TCF4: variants seen among roughly 807,000 people sequenced by gnomAD.
TCF4 encodes the protein transcription factor 4.
In TCF4, 3 loss-of-function variants were observed where a neutral mutation model predicts 82.1. The observed-to-expected ratio is 0.04, with a 90% CI of 0.02 to 0.09. The LOEUF is 0.09. Ranked by LOEUF, TCF4 falls within the 10% of genes least tolerant of loss-of-function variation. The pLI is 1.00. For missense variants in TCF4, 518 were observed against 852.7 expected (o/e 0.61, Z 4.89); for synonymous variants, 276 against 309.6 (o/e 0.89, Z 1.14).
chr18:55,444,191 G>T (rs532063110), intron 5 of TCF4, among the ~76,000 whole-genome samples: 1 of 152,202 alleles, frequency 6.6e-6, no homozygotes, highest in Non-Finnish European at 1.5e-5. Flanking sequence ...AGATGTGGAA[G>T]CCCTGGATGT....
intron 5 of TCF4, among the ~76,000 whole-genome samples, chr18:55,450,578 G>GT (rs1379441712): frequency 6.6e-6 from 1 of 152,168 alleles, no homozygotes; most frequent in Admixed American, 6.5e-5. Context: ...ACTCTTAAGA[G>GT]TAAGGGGAAT....
intron 3 of TCF4, among the ~76,000 whole-genome samples, chr18:55,506,900 T>C (rs2146191971): frequency 6.6e-6 from 1 of 151,550 alleles, no homozygotes; most frequent in South Asian, 2.1e-4. Context: ...GCTTGCTCTG[T>C]CACTGAGGCT....
intron 6 of TCF4, among the ~76,000 whole-genome samples, chr18:55,399,853 ATCTC>A (rs35948563): frequency 0.028 from 2,361 of 83,500 alleles, 51 homozygotes; most frequent in Middle Eastern, 0.072. Context: ...CTCTCTCCCC[ATCTC>A]TCTCTCTCTC....
At chr18:55,343,974 T>TA (rs1445224212) in intron 8 of TCF4, among the ~76,000 whole-genome samples, 1 of 152,268 alleles carries the variant, frequency 6.6e-6, no homozygotes, top group East Asian at 1.9e-4. Flanking sequence ...TGCAGTTATG[T>TA]AAAAAATCAA....
At chr18:55,380,549 G>T (rs1435095228) in intron 6 of TCF4, among the ~76,000 whole-genome samples, 1 of 152,032 alleles carries the variant, frequency 6.6e-6, no homozygotes, top group Non-Finnish European at 1.5e-5. Context: ...ATCCCACTGG[G>T]GATTAAGGTT....
At chr18:55,290,936 G>A (rs1357220132) in intron 8 of TCF4, among the ~76,000 whole-genome samples, 6 of 152,062 alleles carry the variant, frequency 3.9e-5, no homozygotes, top group South Asian at 4.2e-4. Flanking sequence ...ACTTAATTAC[G>A]TAAAGCAAAT....
At chr18:55,285,686 GTA>G (rs1262900028) in intron 8 of TCF4, among the ~76,000 whole-genome samples, 21 of 152,210 alleles carry the variant, frequency 1.4e-4, no homozygotes, top group African/African-American at 5.1e-4. Context: ...GAGTCCCAGT[GTA>G]GAGTCATGTT....
In TCF4 at chr18:55,322,392, G is replaced by T. The variant is rs1383828838; in HGVS notation, c.549+27967C>A. The T allele has an allele frequency of 7.8e-6, 6 of 765,020 alleles. No homozygotes were observed. The South Asian group carries it at 3.2e-4, about 40-fold the overall frequency. The allele number at this position is 765,020 out of a possible 1,614,324, so 47.4% of individuals were successfully genotyped here. A position where few individuals can be genotyped will look rare whatever the true frequency, so the allele number is the denominator to read the frequency against. On this transcript the variant is annotated intron_variant, in intron 8 of 19. Coordinates refer to ENST00000354452, the MANE Select transcript of TCF4 (RefSeq NM_001083962.2). ...ATTGTACGCAGCTGCCTGAGAACTC[G>T]ACTCGGAGAAAGGGGAGGGAAAGGG...
chr18:55,504,355 G>A (rs963506678), intron 3 of TCF4, among the ~76,000 whole-genome samples: 2 of 152,206 alleles, frequency 1.3e-5, no homozygotes, highest in Non-Finnish European at 2.9e-5. Context: ...GATGAAAACT[G>A]AAGAGTGCTA....
At chr18:55,277,759 C>A (rs2061742683) in intron 9 of TCF4, among the ~76,000 whole-genome samples, 1 of 152,044 alleles carries the variant, frequency 6.6e-6, no homozygotes. Context: ...CTTTCCTGGG[C>A]AGATAGAAAA....
At chr18:55,312,413 A>G (rs556083067) in intron 8 of TCF4, among the ~76,000 whole-genome samples, 52 of 152,322 alleles carry the variant, frequency 3.4e-4, no homozygotes, top group African/African-American at 1.1e-3. Context: ...GTCCTTTCTC[A>G]TCTGTTTTTC....
intron 3 of TCF4, among the ~76,000 whole-genome samples, chr18:55,534,639 C>T (rs554144859): frequency 2.0e-4 from 30 of 152,292 alleles, no homozygotes; most frequent in Admixed American, 1.5e-3. Context: ...TTCTCTGCAA[C>T]CCTACTGCTC....
chr18:55,634,610 G>A (rs548398908), intron 1 of TCF4, among the ~76,000 whole-genome samples: 4 of 152,260 alleles, frequency 2.6e-5, no homozygotes, highest in East Asian at 3.9e-4. Context: ...TGGATGCCAC[G>A]GGCTTTGTAC....
intron 5 of TCF4, among the ~76,000 whole-genome samples, chr18:55,459,806 G>A (rs1279940356): frequency 1.3e-5 from 2 of 152,116 alleles, no homozygotes; most frequent in African/African-American, 2.4e-5. Context: ...TTACTACTTT[G>A]AAGGCAAAAA....
chr18:55,569,392 A>G (rs1017578079), intron 3 of TCF4, among the ~76,000 whole-genome samples: 3 of 152,108 alleles, frequency 2.0e-5, no homozygotes, highest in African/African-American at 7.2e-5. Flanking sequence ...ACAAAAATCA[A>G]TTGAATGCCA....
intron 6 of TCF4, among the ~76,000 whole-genome samples, chr18:55,359,350 T>G (rs1027458819): frequency 2.6e-5 from 4 of 152,230 alleles, no homozygotes; most frequent in African/African-American, 9.6e-5. Flanking sequence ...CTTCTAGACG[T>G]TTCCTTCCAC....
intron 3 of TCF4, among the ~76,000 whole-genome samples, chr18:55,510,172 G>C (rs895606045): frequency 1.3e-5 from 2 of 152,088 alleles, no homozygotes; most frequent in Non-Finnish European, 2.9e-5. Context: ...TCTGACTCAA[G>C]GTTAAAGGTG....
At position 55,550,462 on chromosome 18, in the gene TCF4, A is replaced by G. The variant is rs917191769; in HGVS notation, c.145+34818T>C. ...AATCCCTGTTGCTGATTGGGATCACATGGACTCCCTAACGGTGAGTTACCA... is the reference window on the plus strand; with the variant it reads ...AATCCCTGTTGCTGATTGGGATCACGTGGACTCCCTAACGGTGAGTTACCA... On this transcript the variant is annotated intron_variant, in intron 3 of 19. Coordinates refer to ENST00000354452, the MANE Select transcript of TCF4 (RefSeq NM_001083962.2). The G allele has an allele frequency of 3.9e-5, 6 of 152,250 alleles. 1 individual carries two copies. The East Asian group carries it at 1.2e-3, about 29-fold the overall frequency. 9.4% of individuals were successfully genotyped at this position (152,250 alleles called of 1,614,324 possible).
intron 12 of TCF4, among the ~76,000 whole-genome samples, chr18:55,260,620 A>G (rs1048579610): frequency 6.6e-6 from 1 of 152,144 alleles, no homozygotes; most frequent in African/African-American, 2.4e-5. Flanking sequence ...GTGCAGTGGC[A>G]TGATCTCAGC....
Sources: allele counts gnomAD v4.1 joint callset (sites outside exome capture counted in the v4.1 genomes callset), GRCh38; gene constraint gnomAD v4.1.1; transcripts MANE v1.5; gene names NCBI Gene and HGNC (gene_info 2026-07-23, HGNC 2026-07-21).